Variants in PCDH15 observed in about 807,000 individuals in gnomAD.
PCDH15 encodes the protein protocadherin related 15.
PCDH15 carries 129 observed loss-of-function variants against 178.5 expected under a neutral mutation model. The ratio of observed to expected loss-of-function variants is 0.72; its 90% confidence interval spans 0.63 to 0.84. The LOEUF is 0.84. Among genes scored for constraint, PCDH15 ranks in the 40% least tolerant of loss-of-function variants. PCDH15 has a pLI of 0.00. For missense variants in PCDH15, 2,230 were observed against 2,099.9 expected (o/e 1.06, Z -1.21); for synonymous variants, 800 against 732.0 (o/e 1.09, Z -1.50).
chr10:54,509,578 G>A (rs1373678324), intron 3 of PCDH15, among the ~76,000 whole-genome samples: 1 of 152,136 alleles, frequency 6.6e-6, no homozygotes, highest in African/African-American at 2.4e-5. Context: ...CTGCCTGTCA[G>A]TTCTCATGAG....
intron 2 of PCDH15, among the ~76,000 whole-genome samples, chr10:54,576,332 C>T (rs985926211): frequency 9.2e-5 from 14 of 152,106 alleles, no homozygotes; most frequent in African/African-American, 4.8e-5. Context: ...AAGTTAAGAC[C>T]AGACTTGGAG....
chr10:54,307,040 G>A (rs867169564), intron 8 of PCDH15, among the ~76,000 whole-genome samples: 1,947 of 29,114 alleles, frequency 0.067, 127 homozygotes, highest in African/African-American at 0.12. Context: ...GTGTGTGTGT[G>A]TATATATATA....
chr10:54,183,485 AC>A lies in PCDH15; in HGVS notation c.1548del (p.Tyr517MetfsTer6). 1.2e-6 allele frequency: 2 copies of A among 1,613,768 alleles called. No individual in the cohort carries two copies. The highest frequency in any genetic ancestry group is 1.7e-6 in the Non-Finnish European group (2 of 1,179,682). On this transcript the variant is annotated frameshift_variant, in exon 13 of 38. Transcript: ENST00000644397. LOFTEE classifies it high-confidence loss of function. ...TPTFPEISYD[V>X]YVYTDMRPGD... The stretch of plus-strand genomic sequence containing the variant: ...CCAGGTCTCATGTCTGTATAAACAT[AC>A]ACATCATAGGATATTTCAGGGAAGG...
intron 1 of PCDH15, among the ~76,000 whole-genome samples, chr10:55,293,160 C>G (rs1295839990): frequency 2.0e-5 from 3 of 152,128 alleles, no homozygotes; most frequent in Non-Finnish European, 4.4e-5. Flanking sequence ...ATGGGAGCTG[C>G]CAAGGCTTGG....
rs201835989 is a variant in PCDH15, at chr10:54,948,998, AC to A, written c.-79-51499del. Among the ~76,000 whole-genome samples the A allele has an allele frequency of 6.0e-3, 914 of 152,040 alleles. 7 individuals are homozygous for A. The highest frequency in any genetic ancestry group is 0.021 in the African/African-American group (874 of 41,514). On this transcript the variant is annotated intron_variant, in intron 2 of 5. Transcript: ENST00000458638. Reference sequence around the variant, plus strand: ...ACATATGCACATACTGTACATATAGACATTAGTAAATATCAGATATTTACTA... The same window carrying A: ...ACATATGCACATACTGTACATATAGAATTAGTAAATATCAGATATTTACTA...
intron 2 of PCDH15, among the ~76,000 whole-genome samples, chr10:55,541,718 G>A (rs1352841464): frequency 6.6e-6 from 1 of 151,790 alleles, no homozygotes; most frequent in Admixed American, 6.6e-5. Context: ...CTCAAAAGAA[G>A]CAAATTGACA....
intron 18 of PCDH15, among the ~76,000 whole-genome samples, chr10:54,038,642 A>T (rs2093472085): frequency 6.6e-6 from 1 of 151,828 alleles, no homozygotes; most frequent in African/African-American, 2.4e-5. Context: ...AGATAAGGTC[A>T]TCTCTGAAGT....
rs777491892 is a variant in PCDH15 at position 54,236,816 on chromosome 10, T to TA, written c.985+6dup. Reference sequence around the variant, plus strand: ...ACTGATAGTGTAAAATGTTATCAGATACAAACCAACAAGGATGGAATAGAG... The same window carrying TA: ...ACTGATAGTGTAAAATGTTATCAGATAACAAACCAACAAGGATGGAATAGAG... On this transcript the variant is annotated splice_region_variant and intron_variant, in intron 9 of 37. Transcript: ENST00000644397. 3 of 1,600,952 alleles carry TA rather than the reference T, an allele frequency of 1.9e-6. No individual in the cohort carries two copies. The Admixed American group carries it at 5.0e-5, about 27-fold the overall frequency.
At chr10:55,093,336 T>C (rs1842362979) in intron 2 of PCDH15, among the ~76,000 whole-genome samples, 1 of 152,054 alleles carries the variant, frequency 6.6e-6, no homozygotes, top group Non-Finnish European at 1.5e-5. Context: ...CAAATAATGG[T>C]GGTTTTTTTC....
At chr10:54,715,833 G>A (rs1199605964) in intron 1 of PCDH15, among the ~76,000 whole-genome samples, 1 of 152,068 alleles carries the variant, frequency 6.6e-6, no homozygotes, top group Admixed American at 6.6e-5. Context: ...CTCTGCTTTT[G>A]GCCAGGGTAT....
intron 27 of PCDH15, among the ~76,000 whole-genome samples, chr10:53,858,997 C>G (rs958951803): frequency 6.8e-6 from 1 of 146,432 alleles, no homozygotes; most frequent in Non-Finnish European, 1.5e-5. Context: ...CTCCCTCCCT[C>G]CCCTCCTTCC....
At chr10:53,858,391 G>A (rs937713705) in intron 27 of PCDH15, among the ~76,000 whole-genome samples, 16 of 152,062 alleles carry the variant, frequency 1.1e-4, no homozygotes, top group African/African-American at 3.9e-4. Context: ...GTAGCCAAAA[G>A]TATGAAATGA....
At chr10:53,828,104 G>T (rs1056799549) in intron 31 of PCDH15, among the ~76,000 whole-genome samples, 2 of 150,406 alleles carry the variant, frequency 1.3e-5, no homozygotes, top group African/African-American at 4.9e-5. Flanking sequence ...TACTGGGGAG[G>T]CTGAGGCAGG....
At chr10:54,118,911 T>C (rs1590596239) in intron 15 of PCDH15, among the ~76,000 whole-genome samples, 1 of 152,032 alleles carries the variant, frequency 6.6e-6, no homozygotes, top group Non-Finnish European at 1.5e-5. Context: ...TTATGAAGAA[T>C]ACCCCAGATC....
chr10:54,557,830 C>T (rs1393428833), intron 2 of PCDH15, among the ~76,000 whole-genome samples: 1 of 151,952 alleles, frequency 6.6e-6, no homozygotes, highest in Non-Finnish European at 1.5e-5. Context: ...CCACATCTGA[C>T]CATTAAAACT....
At chr10:53,903,982 T>C (rs2082500772) in intron 25 of PCDH15, among the ~76,000 whole-genome samples, 1 of 152,168 alleles carries the variant, frequency 6.6e-6, no homozygotes, top group African/African-American at 2.4e-5. Flanking sequence ...GATATGATTA[T>C]GACTCATAAA....
At chr10:55,379,825 C>T (rs1837489402) in intron 2 of PCDH15, among the ~76,000 whole-genome samples, 1 of 151,896 alleles carries the variant, frequency 6.6e-6, no homozygotes, top group Non-Finnish European at 1.5e-5. Flanking sequence ...GAGGGGGAAA[C>T]AATATTAGGA....
In PCDH15 at chr10:54,692,688, C is replaced by CAAATAACTCCAAACATCCCTGATT. The variant is rs1555152814; in HGVS notation, c.-28-28399_-28-28398insAATCAGGGATGTTTGGAGTTATTT. Among the ~76,000 whole-genome samples the CAAATAACTCCAAACATCCCTGATT allele has an allele frequency of 4.5e-3, 5 of 1,100 alleles. No individual in the cohort carries two copies. In the East Asian group the frequency reaches 0.083, roughly 18 times the overall value. The allele number at this position is 1,100 out of a possible 152,430, so 0.7% of individuals were successfully genotyped here. ...CTTAAGCCATTCTTAAACTTAAAAG[C>CAAATAACTCCAAACATCCCTGATT]GAATAACTCCAAACATCCCTGATTG... On this transcript the variant is annotated intron_variant, in intron 1 of 37. Transcript: ENST00000644397.
chr10:54,697,473 T>C (rs1196676113), intron 1 of PCDH15, among the ~76,000 whole-genome samples: 1 of 151,084 alleles, frequency 6.6e-6, no homozygotes. Context: ...ATTTTGTTTT[T>C]ATTTTTTCAT....
Sources: allele counts gnomAD v4.1 joint callset (sites outside exome capture counted in the v4.1 genomes callset), GRCh38; gene constraint gnomAD v4.1.1; transcripts MANE v1.5; gene names NCBI Gene and HGNC (gene_info 2026-07-23, HGNC 2026-07-21).